The following COL4A4 variants were observed in gnomAD, a reference collection of about 807,000 sequenced individuals.
COL4A4 encodes collagen alpha-4(IV) chain.
A neutral mutation model predicts 192.9 loss-of-function variants in COL4A4; 105 were observed. The observed-to-expected ratio is 0.54, with a 90% CI of 0.46 to 0.64. COL4A4 has a LOEUF of 0.64. Among genes scored for constraint, COL4A4 ranks in the 30% least tolerant of loss-of-function variants. The pLI is 0.00. For synonymous variants in COL4A4, 762 were observed against 769.9 expected, an observed-to-expected ratio of 0.99 and a Z score of 0.17; for missense variants, 1,967 against 2,169.3, an observed-to-expected ratio of 0.91 and a Z score of 1.85.
the COL4A4 span, chr2:226,988,306 A>G: frequency 1.6e-5 from 25 of 1,543,976 alleles, no homozygotes; most frequent in Non-Finnish European, 2.2e-5. Flanking sequence ...CTTCCCTTCC[A>G]CTGTGCCCCA....
chr2:227,140,874 ATCAC>A (rs1217594290), intron 3 of COL4A4, among the ~76,000 whole-genome samples: 5 of 108,078 alleles, frequency 4.6e-5, no homozygotes, highest in Non-Finnish European at 9.1e-5. Flanking sequence ...TCTTTAGAGC[ATCAC>A]ACACACACAC....
At chr2:227,052,277 A>C (rs2150194036) in intron 32 of COL4A4, 28 bp downstream of exon 32, 2 of 1,281,444 alleles carry the variant, frequency 1.6e-6, no homozygotes, top group East Asian at 4.6e-5. Flanking sequence ...AACTTATTTG[A>C]TATGGTTAAA....
At chr2:227,103,846 T>C (rs1411754869) in intron 13 of COL4A4, 126 bp downstream of exon 13, 19 of 752,766 alleles carry the variant, frequency 2.5e-5, no homozygotes, top group Non-Finnish European at 2.3e-6. Flanking sequence ...TACCAACTTA[T>C]TAAAGTAGGT....
At chr2:227,090,026 G>C (rs1215680533) in intron 20 of COL4A4, 69 bp from the exon 21 acceptor site, 1 of 1,310,794 alleles carries the variant, frequency 7.6e-7, no homozygotes, top group African/African-American at 1.5e-5. Flanking sequence ...TATAGAATAA[G>C]TGACTTTTGC....
chr2:227,067,276 T>C (rs2058403040), intron 25 of COL4A4, among the ~76,000 whole-genome samples: 1 of 152,078 alleles, frequency 6.6e-6, no homozygotes. Flanking sequence ...TGGGAGACTT[T>C]AACACTCCAC....
At position 227,112,724 on chromosome 2, in the gene COL4A4, C is replaced by T. The variant is rs182150610; in HGVS notation, c.559-1011G>A. ...CTCTGTTCTCATTAAACACTAACTC[C>T]CCATCCCTCTTCCCTGCAGCCACTG... On this transcript the variant is annotated intron_variant, in intron 8 of 47. Transcript: ENST00000396625. Among the ~76,000 whole-genome samples the T allele has an allele frequency of 3.3e-5, 5 of 152,280 alleles. No homozygotes were observed. The East Asian group carries it at 9.6e-4, about 29-fold the overall frequency.
At chr2:227,151,587 T>G (rs970875907) in intron 1 of COL4A4, among the ~76,000 whole-genome samples, 3 of 152,250 alleles carry the variant, frequency 2.0e-5, no homozygotes, top group African/African-American at 7.2e-5. Flanking sequence ...CACTCAATTC[T>G]TTTAACTTCT....
At chr2:226,997,286 C>T in the COL4A4 span, 1 of 152,218 alleles carries the variant, frequency 6.6e-6, no homozygotes, top group African/African-American at 2.4e-5. Flanking sequence ...AATGTTACTG[C>T]TCTCTCCCAA....
intron 44 of COL4A4, among the ~76,000 whole-genome samples, chr2:227,014,811 G>A (rs914313151): frequency 6.6e-6 from 1 of 151,682 alleles, no homozygotes; most frequent in African/African-American, 2.4e-5. Context: ...CCCAGTTCAA[G>A]AGATTCTCCT....
intron 1 of COL4A4, among the ~76,000 whole-genome samples, chr2:227,157,310 G>T (rs982567818): frequency 9.9e-5 from 15 of 151,890 alleles, no homozygotes; most frequent in African/African-American, 3.4e-4. Context: ...GTGCAGAAAA[G>T]GATCTTCTAG....
At chr2:227,045,878 A>G (rs60919558) in intron 35 of COL4A4, among the ~76,000 whole-genome samples, 1,292 of 110,386 alleles carry the variant, frequency 0.012, 136 homozygotes, top group African/African-American at 0.02. Context: ...ATATATACAT[A>G]TATATGTATA....
chr2:226,988,117 A>T, the COL4A4 span, among the ~76,000 whole-genome samples: 5 of 152,170 alleles, frequency 3.3e-5, no homozygotes, highest in Non-Finnish European at 5.9e-5. Flanking sequence ...GCAATATTTT[A>T]TTCTATTTTG....
At chr2:226,967,388 T>TTTA in the COL4A4 span, among the ~76,000 whole-genome samples, 5 of 152,090 alleles carry the variant, frequency 3.3e-5, no homozygotes, top group Admixed American at 3.3e-4. Flanking sequence ...TTTTCTTTAT[T>TTTA]TTATTATTAT....
rs866584812 is a variant in COL4A4, at chr2:227,045,797, T to C, written c.3289+1678A>G. Reference sequence around the variant, plus strand: ...AAAAAAAAATACATATATATATATATACACATATATATATATATACACATA... The same window carrying C: ...AAAAAAAAATACATATATATATATACACACATATATATATATATACACATA... On this transcript the variant is annotated intron_variant, in intron 35 of 47. Coordinates refer to ENST00000396625, the MANE Select transcript of COL4A4 (RefSeq NM_000092.5). Among the ~76,000 whole-genome samples the C allele has an allele frequency of 6.4e-4, 28 of 43,598 alleles. 1 individual carries two copies. The highest frequency in any genetic ancestry group is 1.4e-3 in the African/African-American group (7 of 5,118). The allele number at this position is 43,598 out of a possible 152,430, so 28.6% of individuals were successfully genotyped here. A position where few individuals can be genotyped will look rare whatever the true frequency, so the allele number is the denominator to read the frequency against.
intron 7 of COL4A4, among the ~76,000 whole-genome samples, chr2:227,115,269 CT>C (rs1187419564): frequency 0.1 from 12,702 of 123,732 alleles, 413 homozygotes; most frequent in East Asian, 0.29. Flanking sequence ...TACTTTAATT[CT>C]TTTTTTTTTT....
chr2:227,041,867 A>G (rs1188280209), intron 37 of COL4A4, among the ~76,000 whole-genome samples: 1 of 136,208 alleles, frequency 7.3e-6, no homozygotes, highest in African/African-American at 2.9e-5. Context: ...AGAAAGAAAG[A>G]AAGAAAGAAA....
chr2:227,104,186 A>G (rs764599306), intron 12 of COL4A4, 134 bp from the exon 13 acceptor site: 2 of 764,274 alleles, frequency 2.6e-6, no homozygotes, highest in Non-Finnish European at 4.6e-6. Context: ...CAAGTACATC[A>G]TAGAATATAA....
chr2:227,100,626 T>C (rs978437421), intron 17 of COL4A4, among the ~76,000 whole-genome samples: 30 of 152,078 alleles, frequency 2.0e-4, no homozygotes, highest in Admixed American at 1.3e-4. Context: ...ATCTGAGGGT[T>C]TTGGTAGCCT....
the COL4A4 span, among the ~76,000 whole-genome samples, chr2:226,981,368 A>T: frequency 2.0e-5 from 3 of 152,126 alleles, no homozygotes; most frequent in African/African-American, 7.2e-5. Flanking sequence ...AGTATAATAA[A>T]AAATAAATAA....
Sources: gnomAD v4.1 joint callset for allele counts (sites outside exome capture counted in the v4.1 genomes callset) on GRCh38, gnomAD v4.1.1 for gene constraint, MANE v1.5 for transcripts, NCBI Gene and HGNC (gene_info 2026-07-23, HGNC 2026-07-21) for gene names.